POU6F2: variants seen among roughly 807,000 people sequenced by gnomAD.
POU6F2 encodes POU domain, class 6, transcription factor 2.
Under a neutral mutation model 71.3 loss-of-function variants are expected in POU6F2, and 31 were observed. The observed-to-expected ratio is 0.43, with a 90% confidence interval of 0.33 to 0.59. The LOEUF (loss-of-function observed/expected upper bound fraction) is 0.59. POU6F2 is among the 20% of genes least tolerant of loss of function. The pLI is 0.04. For synonymous variants in POU6F2, 347 were observed against 355.7 expected, an observed-to-expected ratio of 0.98 and a Z score of 0.27; for missense variants, 783 against 856.8, an observed-to-expected ratio of 0.91 and a Z score of 1.07.
At chr7:39,067,900 AT>A (rs1432562885) in intron 1 of POU6F2, among the ~76,000 whole-genome samples, 2 of 152,192 alleles carry the variant, frequency 1.3e-5, no homozygotes, top group African/African-American at 2.4e-5. Context: ...TTAGAAAAAA[AT>A]TTTAAGGATA....
At chr7:39,428,276 T>C (rs918260919) in intron 6 of POU6F2, among the ~76,000 whole-genome samples, 1 of 152,232 alleles carries the variant, frequency 6.6e-6, no homozygotes, top group Non-Finnish European at 1.5e-5. Flanking sequence ...TTGTGACTTA[T>C]GCTCTTAACT....
intron 1 of POU6F2, among the ~76,000 whole-genome samples, chr7:39,026,378 A>G (rs1789800671): frequency 6.6e-6 from 1 of 152,180 alleles, no homozygotes; most frequent in South Asian, 2.1e-4. Context: ...AGACTGGATT[A>G]AGAAAATGTG....
intron 1 of POU6F2, among the ~76,000 whole-genome samples, chr7:39,029,702 A>T (rs1371914330): frequency 2.0e-5 from 3 of 152,150 alleles, no homozygotes; most frequent in Non-Finnish European, 2.9e-5. Context: ...AATGGTAAGG[A>T]TATTCTATTC....
intron 1 of POU6F2, among the ~76,000 whole-genome samples, chr7:38,997,820 T>C (rs1389625368): frequency 6.6e-6 from 1 of 152,224 alleles, no homozygotes; most frequent in African/African-American, 2.4e-5. Flanking sequence ...GCTCCTTCCC[T>C]GAAGAAGGAT....
chr7:39,338,133 G>T (rs1785820329), intron 4 of POU6F2, among the ~76,000 whole-genome samples: 3 of 152,186 alleles, frequency 2.0e-5, no homozygotes, highest in Admixed American at 1.3e-4. Context: ...AATCAGGCAG[G>T]AGGCCAGATG....
intron 2 of POU6F2, among the ~76,000 whole-genome samples, chr7:39,133,416 T>C (rs963039865): frequency 2.6e-5 from 4 of 152,230 alleles, no homozygotes; most frequent in Non-Finnish European, 5.9e-5. Flanking sequence ...CAGTGTCTTA[T>C]CTGCAATGAG....
At chr7:39,313,472 A>G (rs12673488) in intron 4 of POU6F2, among the ~76,000 whole-genome samples, 59,693 of 151,870 alleles carry the variant, frequency 0.39, 13,042 homozygotes, top group East Asian at 0.57. Context: ...ACTACAATGT[A>G]AGTTCCCTGA....
intron 5 of POU6F2, among the ~76,000 whole-genome samples, chr7:39,398,618 G>A (rs969219905): frequency 2.6e-5 from 4 of 152,266 alleles, no homozygotes; most frequent in Admixed American, 2.6e-4. Flanking sequence ...CTCTAAGGAG[G>A]TGATCTGGGA....
chr7:39,450,905 A>C (rs1430792238), intron 7 of POU6F2, among the ~76,000 whole-genome samples: 2 of 152,138 alleles, frequency 1.3e-5, no homozygotes, highest in Non-Finnish European at 1.5e-5. Flanking sequence ...CAGAGTAAGA[A>C]AGTAACAACT....
At chr7:39,262,706 G>T (rs1015887937) in intron 4 of POU6F2, among the ~76,000 whole-genome samples, 1 of 151,822 alleles carries the variant, frequency 6.6e-6, no homozygotes, top group African/African-American at 2.4e-5. Context: ...AGGTCTTGTG[G>T]TATGCATTTT....
intron 1 of POU6F2, among the ~76,000 whole-genome samples, chr7:39,036,107 T>G (rs1399183816): frequency 3.3e-5 from 5 of 152,124 alleles, no homozygotes; most frequent in Non-Finnish European, 7.4e-5. Context: ...ACAGCTCATT[T>G]GCAAGGAGTA....
rs182715187 is a variant in POU6F2, at chr7:39,379,658, C to T, written c.973-26942C>T. On this transcript the variant is annotated intron_variant, in intron 5 of 9. Transcript: ENST00000518318. The stretch of plus-strand genomic sequence containing the variant: ...AGTCTACAAGCTCCGCTATTTTCCA[C>T]GATGATTACTATCGTTCTCCTTTTT... Among the ~76,000 whole-genome samples, 497 of 152,240 alleles carry T rather than the reference C, an allele frequency of 3.3e-3. 2 individuals carry two copies. Among genetic ancestry groups the T allele is most frequent in the Non-Finnish European group, 4.9e-3 (336 of 68,022 alleles).
chr7:39,230,423 G>A (rs1159123452), intron 4 of POU6F2, among the ~76,000 whole-genome samples: 3 of 151,864 alleles, frequency 2.0e-5, no homozygotes, highest in African/African-American at 7.3e-5. Flanking sequence ...ATTCGAGGCT[G>A]CAGTGAGCTA....
Position 39,468,207 on chromosome 7 carries a change from T to G in POU6F2, c.*3521T>G, listed in dbSNP as rs1429913047. 1.3e-5 allele frequency: 2 copies of G among 151,044 alleles called. No individual in the cohort carries two copies. Among genetic ancestry groups the G allele is most frequent in the East Asian group, 1.9e-4 (1 of 5,184 alleles). The allele number at this position is 151,044 out of a possible 1,614,324, so 9.4% of individuals were successfully genotyped here. A position where few individuals can be genotyped will look rare whatever the true frequency, so the allele number is the denominator to read the frequency against. On this transcript the variant is annotated 3_prime_UTR_variant, in exon 10 of 10. Coordinates refer to ENST00000518318, the MANE Select transcript of POU6F2 (RefSeq NM_001370959.1). ...TAAGAAAGTGATTTTTTTTTTTTTT[T>G]GTCCTATGTGCTGTGATCTAGACTG...
At chr7:39,424,876 G>T (rs1219642768) in intron 6 of POU6F2, among the ~76,000 whole-genome samples, 3 of 151,646 alleles carry the variant, frequency 2.0e-5, no homozygotes, top group African/African-American at 4.8e-5. Flanking sequence ...GCTAGATTCA[G>T]TTGTAGTATT....
chr7:39,166,453 A>G (rs1054845155), intron 2 of POU6F2, among the ~76,000 whole-genome samples: 5 of 152,114 alleles, frequency 3.3e-5, no homozygotes, highest in Non-Finnish European at 7.3e-5. Flanking sequence ...AATTATGGAT[A>G]CCAGAGAAGT....
chr7:39,364,045 G>A (rs1027713359), intron 5 of POU6F2, among the ~76,000 whole-genome samples: 5 of 152,108 alleles, frequency 3.3e-5, no homozygotes, highest in Admixed American at 1.3e-4. Flanking sequence ...ATATCTTAGC[G>A]GTAGAGATCC....
At chr7:39,428,599 A>C (rs974238866) in intron 6 of POU6F2, among the ~76,000 whole-genome samples, 1 of 152,186 alleles carries the variant, frequency 6.6e-6, no homozygotes, top group African/African-American at 2.4e-5. Context: ...AAAGTTAGTG[A>C]ATCAAGCAAA....
intron 4 of POU6F2, among the ~76,000 whole-genome samples, chr7:39,311,646 C>G (rs1785166700): frequency 6.6e-6 from 1 of 152,120 alleles, no homozygotes; most frequent in Non-Finnish European, 1.5e-5. Flanking sequence ...AGAAATAATT[C>G]AATGATCTAG....
Sources: allele counts gnomAD v4.1 joint callset (sites outside exome capture counted in the v4.1 genomes callset), GRCh38; gene constraint gnomAD v4.1.1; transcripts MANE v1.5; gene names NCBI Gene and HGNC (gene_info 2026-07-23, HGNC 2026-07-21).